The following TRPM6 variants were observed in gnomAD, a reference collection of about 807,000 sequenced individuals.
TRPM6 encodes the protein channel kinase 2.
A neutral mutation model predicts 247.6 loss-of-function variants in TRPM6; 111 were observed. The observed-to-expected ratio is 0.45, with a 90% CI of 0.38 to 0.52. The LOEUF (loss-of-function observed/expected upper bound fraction) is 0.52. Ranked by LOEUF, TRPM6 falls within the 20% of genes least tolerant of loss-of-function variation. The probability of loss-of-function intolerance (pLI) is 0.00; values close to 1 mark genes in which losing one functional copy is unlikely to be tolerated. For synonymous variants in TRPM6, 892 were observed against 853.8 expected, an observed-to-expected ratio of 1.04 and a Z score of -0.78; for missense variants, 2,126 against 2,421.5, an observed-to-expected ratio of 0.88 and a Z score of 2.56.
In TRPM6 at chr9:74,782,764, C is replaced by T. The variant is rs1211259454; in HGVS notation, c.3009G>A (p.Glu1003=). 1.2e-6 allele frequency: 2 copies of T among 1,614,182 alleles called. No individual in the cohort carries two copies. Among genetic ancestry groups the T allele is most frequent in the Admixed American group, 1.7e-5 (1 of 60,026 alleles). ...CTCGAGCTAGACTCCAAGATGGTGG[C>T]TCTTTTGGCGAAAGGATGGCCTTGC... ...VARKAILSPK[E]PPSWSLARDI... The change falls in exon 22 of 39, where the codon GAG becomes GAA. Residue 1003 remains glutamate (E), a synonymous_variant. Coordinates refer to ENST00000360774, the MANE Select transcript of TRPM6 (RefSeq NM_017662.5).
intron 5 of TRPM6, among the ~76,000 whole-genome samples, chr9:74,837,486 G>T (rs1439370746): frequency 6.6e-6 from 1 of 151,392 alleles, no homozygotes; most frequent in African/African-American, 2.4e-5. Context: ...CTCGCTCGTC[G>T]CCCAGGCTGG....
intron 24 of TRPM6, among the ~76,000 whole-genome samples, chr9:74,774,922 C>T (rs1239367601): frequency 6.6e-6 from 1 of 152,178 alleles, no homozygotes; most frequent in Non-Finnish European, 1.5e-5. Flanking sequence ...AAAAGGATTT[C>T]AGTTTTCAGA....
chr9:74,846,192 T>C (rs377526012), intron 3 of TRPM6, among the ~76,000 whole-genome samples: 20 of 152,206 alleles, frequency 1.3e-4, no homozygotes, highest in Non-Finnish European at 1.0e-4. Flanking sequence ...CTTAGCTGCC[T>C]AGATATTAAA....
chr9:74,862,374 C>G (rs1296459308), intron 1 of TRPM6, among the ~76,000 whole-genome samples: 1 of 152,116 alleles, frequency 6.6e-6, no homozygotes, highest in South Asian at 2.1e-4. Context: ...ATTTCTGCAG[C>G]TATCATGGCA....
chr9:74,859,194 T>C (rs1033056160), intron 1 of TRPM6, among the ~76,000 whole-genome samples: 1 of 152,196 alleles, frequency 6.6e-6, no homozygotes, highest in Non-Finnish European at 1.5e-5. Flanking sequence ...AGAGAAGAGA[T>C]GTGACTCAGC....
chr9:74,843,079 T>C (rs989130747), intron 3 of TRPM6, among the ~76,000 whole-genome samples: 1 of 152,232 alleles, frequency 6.6e-6, no homozygotes. Flanking sequence ...ACTAGGTTTA[T>C]GTCATATTCT....
chr9:74,850,579 G>A (rs1368280971), intron 3 of TRPM6, among the ~76,000 whole-genome samples: 1 of 151,978 alleles, frequency 6.6e-6, no homozygotes, highest in Non-Finnish European at 1.5e-5. Flanking sequence ...AATTATCCAG[G>A]TGTGGTGGCA....
At chr9:74,833,525 T>C (rs1587556844) in intron 6 of TRPM6, among the ~76,000 whole-genome samples, 2 of 152,182 alleles carry the variant, frequency 1.3e-5, no homozygotes, top group Admixed American at 1.3e-4. Context: ...ACAGAAGTCC[T>C]TGAAGTGTTT....
intron 28 of TRPM6, among the ~76,000 whole-genome samples, chr9:74,753,648 ATCACGTAACTATAC>A (rs1178229942): frequency 6.6e-6 from 1 of 152,198 alleles, no homozygotes; most frequent in East Asian, 1.9e-4. Flanking sequence ...GTGAGCTGTG[ATCACGTAACTATAC>A]TCCAGCTTGG....
At chr9:74,755,886 G>C (rs560342349) in intron 27 of TRPM6, among the ~76,000 whole-genome samples, 1 of 152,172 alleles carries the variant, frequency 6.6e-6, no homozygotes, top group Non-Finnish European at 1.5e-5. Flanking sequence ...GAAAATATTA[G>C]AATCCAAAGA....
intron 5 of TRPM6, among the ~76,000 whole-genome samples, chr9:74,836,557 C>T (rs568478357): frequency 6.6e-6 from 1 of 152,192 alleles, no homozygotes; most frequent in Non-Finnish European, 1.5e-5. Context: ...TGTGCCAACA[C>T]TGTTGTTGTT....
chr9:74,855,589 T>A, intron 2 of TRPM6, 24 bp from the exon 3 acceptor site: 1 of 1,526,028 alleles, frequency 6.6e-7, no homozygotes, highest in Non-Finnish European at 9.1e-7. Flanking sequence ...ATAAAACCTC[T>A]GTTAGTTTGT....
At chr9:74,870,234 C>T (rs11144128) in intron 1 of TRPM6, among the ~76,000 whole-genome samples, 132,188 of 152,180 alleles carry the variant, frequency 0.87, 57,551 homozygotes, top group Middle Eastern at 0.93. Context: ...GATACACCTA[C>T]AGTATCTCAT....
intron 7 of TRPM6, 70 bp downstream of exon 7, chr9:74,827,708 C>T (rs751662103): frequency 5.2e-6 from 8 of 1,528,480 alleles, no homozygotes; most frequent in Non-Finnish European, 7.3e-6. Context: ...CTCTGATGGT[C>T]AGGGAAGACC....
chr9:74,764,758 A>G (rs181417636), intron 25 of TRPM6, among the ~76,000 whole-genome samples: 69 of 152,348 alleles, frequency 4.5e-4, no homozygotes, highest in African/African-American at 1.6e-3. Flanking sequence ...AAAGGCTTAA[A>G]ACAAAAATAA....
At chr9:74,740,636 C>T (rs1185994382) in intron 33 of TRPM6, among the ~76,000 whole-genome samples, 1 of 152,088 alleles carries the variant, frequency 6.6e-6, no homozygotes, top group Non-Finnish European at 1.5e-5. Context: ...TAATCTTGTG[C>T]ACAAAACAAA....
At position 74,786,225 on chromosome 9, in the gene TRPM6, TC is replaced by T. The variant is rs1194048621; in HGVS notation, c.2668-101del. 5.9e-6 allele frequency: 8 copies of T among 1,364,982 alleles called. No individual in the cohort carries two copies. In the African/African-American group the frequency reaches 1.2e-4, roughly 20 times the overall value. 84.6% of individuals were successfully genotyped at this position (1,364,982 alleles called of 1,614,324 possible). On this transcript the variant is annotated intron_variant, in intron 20 of 38. Transcript: ENST00000360774. ...CACAAACCATTCACTGAAAGAGTAA[TC>T]TAAAACCTGCCAAACCTTAAATCAC...
chr9:74,887,731 T>C (rs1831584031), intron 1 of TRPM6, 93 bp downstream of exon 1: 5 of 1,613,436 alleles, frequency 3.1e-6, no homozygotes, highest in Non-Finnish European at 4.2e-6. Context: ...GTAGTGTCCC[T>C]GGCCCCACCC....
chr9:74,846,569 GTCTC>G (rs145166191), intron 3 of TRPM6, among the ~76,000 whole-genome samples: 15 of 151,848 alleles, frequency 9.9e-5, no homozygotes, highest in Non-Finnish European at 1.9e-4. Flanking sequence ...GTGAAACAGA[GTCTC>G]TCTCTCTGTT....
Sources: allele counts gnomAD v4.1 joint callset (sites outside exome capture counted in the v4.1 genomes callset), GRCh38; gene constraint gnomAD v4.1.1; transcripts MANE v1.5; gene names NCBI Gene and HGNC (gene_info 2026-07-23, HGNC 2026-07-21).